The following PIK3R6 variants were observed in gnomAD, a reference collection of about 807,000 sequenced individuals.
PIK3R6 encodes the protein phosphoinositide 3-kinase regulatory subunit 6.
Under a neutral mutation model 84.9 loss-of-function variants are expected in PIK3R6, and 91 were observed. The observed-to-expected ratio is 1.07, with a 90% CI of 0.90 to 1.28. The LOEUF is 1.28. Ranked by LOEUF, PIK3R6 falls within the 50% of genes most tolerant of loss-of-function variation. PIK3R6 has a pLI of 0.00. For synonymous variants in PIK3R6, 416 were observed against 411.4 expected (o/e 1.01, Z -0.13); for missense variants, 996 against 985.1 (o/e 1.01, Z -0.15).
chr17:8,836,760 G>A (rs576136144), intron 6 of PIK3R6, 31 bp downstream of exon 6: 61 of 1,610,932 alleles, frequency 3.8e-5, no homozygotes, highest in Middle Eastern at 3.3e-4. Flanking sequence ...GAGGTGCAGC[G>A]TGGGAGACAA....
chr17:8,837,920 A>G (rs1241842767), intron 4 of PIK3R6, 49 bp from the exon 5 acceptor site: 3 of 1,535,204 alleles, frequency 2.0e-6, no homozygotes, highest in South Asian at 2.2e-5. Context: ...GGGAATCCCC[A>G]CTTCATAGCG....
intron 8 of PIK3R6, among the ~76,000 whole-genome samples, chr17:8,833,731 G>A (rs528960576): frequency 2.6e-5 from 4 of 151,672 alleles, no homozygotes; most frequent in East Asian, 2.0e-4. Context: ...TAGTAGAGAC[G>A]GGGTTTCACC....
rs781269701 is a variant in PIK3R6 at position 8,839,713 on chromosome 17, G to T, written c.14-16C>A. On this transcript the variant is annotated splice_polypyrimidine_tract_variant and intron_variant, in intron 2 of 19. Transcript: ENST00000619866. The surrounding 1 kb of genome is among the most constrained non-coding windows in gnomAD (Gnocchi z 4.2). Reference sequence around the variant, plus strand: ...AGCTCCACATCTGGGCAGTGGTAGGGGTGGGAGGAAACTCAGTCCACTGAA... The same window carrying T: ...AGCTCCACATCTGGGCAGTGGTAGGTGTGGGAGGAAACTCAGTCCACTGAA... 11 of 1,556,400 alleles carry T rather than the reference G, an allele frequency of 7.1e-6. No individual in the cohort carries two copies. The South Asian group carries it at 1.3e-4, about 18-fold the overall frequency.
Position 8,803,220 on chromosome 17 carries a change from T to C in PIK3R6, c.*53A>G. On this transcript the variant is annotated 3_prime_UTR_variant, in exon 20 of 20. Coordinates refer to ENST00000619866, the MANE Select transcript of PIK3R6 (RefSeq NM_001010855.4). This position sits in a 1 kb window ranked among gnomAD's most constrained non-coding sequence, Gnocchi z 5.0. ...TGCTCTGGCTGTTGGTGTGAGTGTTTGGAGTTGGTGGGGTAGTGTATCCTT... is the reference window on the plus strand; with the variant it reads ...TGCTCTGGCTGTTGGTGTGAGTGTTCGGAGTTGGTGGGGTAGTGTATCCTT... 6.2e-7 allele frequency: 1 copy of C among 1,604,090 alleles called. No homozygotes were observed. The highest frequency in any genetic ancestry group is 8.5e-7 in the Non-Finnish European group (1 of 1,174,338).
chr17:8,814,746 A>G (rs186038988), intron 18 of PIK3R6, among the ~76,000 whole-genome samples: 296 of 152,320 alleles, frequency 1.9e-3, no homozygotes, highest in African/African-American at 6.8e-3. Flanking sequence ...GAAGGGAAGG[A>G]AATTATTTTA....
At chr17:8,829,052 TCA>T in intron 10 of PIK3R6, 62 bp from the exon 11 acceptor site, 1 of 1,426,298 alleles carries the variant, frequency 7.0e-7, no homozygotes. Context: ...GTTTCTGATT[TCA>T]GCCAGTCCTC....
chr17:8,851,669 C>A (rs1341761358), intron 1 of PIK3R6, among the ~76,000 whole-genome samples: 1 of 152,178 alleles, frequency 6.6e-6, no homozygotes, highest in Non-Finnish European at 1.5e-5. Flanking sequence ...GGTGGGAATT[C>A]AACATGGCAT....
Position 8,827,256 on chromosome 17 carries a change from C to T in PIK3R6, c.1431G>A (p.Leu477=), listed in dbSNP as rs960782490. 6.4e-6 allele frequency: 10 copies of T among 1,572,246 alleles called. No homozygotes were observed. In the Admixed American group the frequency reaches 1.3e-4, roughly 21 times the overall value. Residue 477 remains leucine, a synonymous_variant, in exon 13 of 20, where the codon CTG becomes CTA. Transcript: ENST00000619866. ...GGTCTACGCGGCCCAGGAACGTAGC[C>T]AGCTCTCCCAGCTCCGGCTGCCTGG... The part of the protein sequence containing the change: ...AASRQPELGE[L]ATFLGRVDPW...
rs967509614 is a variant in PIK3R6, at chr17:8,844,555, C to T, written c.14-4858G>A. ...CATCCATTATTATTATCCTCCTCTG[C>T]ATCCAGGAATGTGGGATATTACTAA... is the stretch of plus-strand genomic sequence containing the variant. On this transcript the variant is annotated intron_variant, in intron 2 of 19. Coordinates refer to ENST00000619866, the MANE Select transcript of PIK3R6 (RefSeq NM_001010855.4). The surrounding 1 kb of genome is among the most constrained non-coding windows in gnomAD (Gnocchi z 4.5). Among the ~76,000 whole-genome samples, 1 of 152,134 alleles carries T rather than the reference C, an allele frequency of 6.6e-6. No homozygotes were observed. The highest frequency in any genetic ancestry group is 1.5e-5 in the Non-Finnish European group (1 of 68,018).
intron 1 of PIK3R6, among the ~76,000 whole-genome samples, chr17:8,863,682 A>C (rs1404726005): frequency 6.6e-6 from 1 of 151,996 alleles, no homozygotes; most frequent in Non-Finnish European, 1.5e-5. Context: ...CTACAGGTGC[A>C]CACCACCACG....
intron 18 of PIK3R6, among the ~76,000 whole-genome samples, chr17:8,813,422 T>G (rs899248591): frequency 1.3e-5 from 2 of 152,166 alleles, no homozygotes; most frequent in African/African-American, 4.8e-5. Flanking sequence ...TCAGTCACTC[T>G]GATACCAAAG....
At chr17:8,849,052 G>C (rs768260853) in intron 2 of PIK3R6, among the ~76,000 whole-genome samples, 1 of 152,030 alleles carries the variant, frequency 6.6e-6, no homozygotes, top group African/African-American at 2.4e-5. Flanking sequence ...ATCTTTCCCT[G>C]TTGTCCCAAG....
chr17:8,829,591 C>T (rs2088151648), intron 10 of PIK3R6, 115 bp downstream of exon 10: 2 of 1,082,376 alleles, frequency 1.8e-6, no homozygotes, highest in Admixed American at 2.2e-5. Flanking sequence ...CACTGACACA[C>T]ACTCATGCAT....
rs1016731880 is a variant in PIK3R6, at chr17:8,852,643, G to A, written c.-91-2758C>T. 3.3e-5 allele frequency among the ~76,000 whole-genome samples: 5 copies of A among 151,888 alleles called. No homozygotes were observed. The South Asian group carries it at 1.0e-3, about 32-fold the overall frequency. On this transcript the variant is annotated intron_variant, in intron 1 of 19. Transcript: ENST00000619866. Reference sequence around the variant, plus strand: ...AATCCCAGCTACTTGGGAGGCTGAGGTAGGAGAATCACTTGAACCTGGGAG... The same window carrying A: ...AATCCCAGCTACTTGGGAGGCTGAGATAGGAGAATCACTTGAACCTGGGAG...
At chr17:8,838,454 G>T (rs2088557880) in intron 4 of PIK3R6, 110 bp downstream of exon 4, 1 of 920,788 alleles carries the variant, frequency 1.1e-6, no homozygotes, top group Non-Finnish European at 1.6e-6. Context: ...TAAAAATCAT[G>T]CAGGCAACCA....
chr17:8,814,033 C>T (rs9893592), intron 18 of PIK3R6, among the ~76,000 whole-genome samples: 2,441 of 152,138 alleles, frequency 0.016, 41 homozygotes, highest in African/African-American at 0.041. Flanking sequence ...CCCCTTTACT[C>T]GCTGAGGCAG....
intron 1 of PIK3R6, among the ~76,000 whole-genome samples, chr17:8,864,687 G>A (rs1309182380): frequency 2.0e-5 from 3 of 151,750 alleles, no homozygotes; most frequent in African/African-American, 4.8e-5. Context: ...ACAGGCGCCC[G>A]CCACCACGCC....
chr17:8,833,501 A>G (rs2088333938), intron 8 of PIK3R6, among the ~76,000 whole-genome samples: 1 of 151,528 alleles, frequency 6.6e-6, no homozygotes, highest in Admixed American at 6.6e-5. Context: ...AGCAAACAAA[A>G]GAGATTGTGT....
At chr17:8,823,343 G>T (rs778684658) in intron 14 of PIK3R6, 44 bp downstream of exon 14, 8 of 1,398,772 alleles carry the variant, frequency 5.7e-6, no homozygotes, top group East Asian at 2.3e-5. Flanking sequence ...GTATTTAATC[G>T]GTGGGGTCCT....
Sources: allele counts gnomAD v4.1 joint callset (sites outside exome capture counted in the v4.1 genomes callset), GRCh38; gene constraint gnomAD v4.1.1; non-coding constraint Gnocchi (gnomAD v3.1); transcripts MANE v1.5; gene names NCBI Gene and HGNC (gene_info 2026-07-23, HGNC 2026-07-21).